Variants in AGBL1 observed in about 807,000 individuals in gnomAD.
AGBL1 encodes AGBL carboxypeptidase 1.
AGBL1 carries 130 observed loss-of-function variants against 118.9 expected under a neutral mutation model. The observed-to-expected ratio is 1.09, with a 90% CI of 0.95 to 1.26. The LOEUF (loss-of-function observed/expected upper bound fraction) is 1.26, where lower values mean the gene tolerates loss of function less well. Ranked by LOEUF, AGBL1 falls within the 50% of genes most tolerant of loss-of-function variation. The probability of loss-of-function intolerance (pLI) is 0.00; values close to 1 mark genes in which losing one functional copy is unlikely to be tolerated. For missense variants in AGBL1, 1,584 were observed against 1,298.1 expected (o/e 1.22, Z -3.38); for synonymous variants, 555 against 478.9 (o/e 1.16, Z -2.08).
chr15:86,268,411 G>T (rs1467088434), intron 13 of AGBL1, among the ~76,000 whole-genome samples: 11 of 152,192 alleles, frequency 7.2e-5, no homozygotes, highest in Admixed American at 4.6e-4. Context: ...CATGTTCAAA[G>T]GATCCAGGAA....
rs10520618 is a variant in AGBL1 at position 86,264,530 on chromosome 15, A to G, written c.1359A>G (p.Glu453=). 685,506 of 1,613,684 alleles carry G rather than the reference A, an allele frequency of 0.42. 149,103 individuals carry two copies. Among genetic ancestry groups the G allele is most frequent in the African/African-American group, 0.64 (48,198 of 74,970 alleles). Residue 453 remains glutamate (E), a synonymous_variant, in exon 11 of 23, where the codon GAA becomes GAG. Coordinates refer to ENST00000614907, the MANE Select transcript of AGBL1 (RefSeq NM_001386094.1). ...ATAGTCTCAGGAGAGATTCTTCTGA[A>G]AGTGAAATCCCTGACATTCAGGCTT... ...QSNSLRRDSS[E]SEIPDIQASP... is the part of the protein sequence containing the mutation.
At chr15:86,642,356 T>C (rs2142471081) in intron 21 of AGBL1, among the ~76,000 whole-genome samples, 1 of 152,314 alleles carries the variant, frequency 6.6e-6, no homozygotes, top group African/African-American at 2.4e-5. Flanking sequence ...TTATGGTTAA[T>C]AGTTTAGAGT....
At chr15:86,755,287 A>G (rs80262895) in intron 22 of AGBL1, among the ~76,000 whole-genome samples, 2,438 of 152,240 alleles carry the variant, frequency 0.016, 58 homozygotes, top group African/African-American at 0.052. Flanking sequence ...ACTCTACAGT[A>G]TAGAATGGAA....
chr15:86,843,124 C>T (rs1295891213), intron 22 of AGBL1, among the ~76,000 whole-genome samples: 1 of 152,118 alleles, frequency 6.6e-6, no homozygotes, highest in African/African-American at 2.4e-5. Context: ...ATGATAGCAT[C>T]CTTAATGGGC....
chr15:86,537,670 C>T (rs187605055), intron 19 of AGBL1, among the ~76,000 whole-genome samples: 5 of 152,300 alleles, frequency 3.3e-5, no homozygotes, highest in Non-Finnish European at 5.9e-5. Flanking sequence ...TTTAAAATGT[C>T]GTGTTTGGAA....
intron 22 of AGBL1, among the ~76,000 whole-genome samples, chr15:86,675,249 C>T (rs12594632): frequency 0.011 from 1,747 of 152,162 alleles, 25 homozygotes; most frequent in East Asian, 0.07. Flanking sequence ...GGCATCTGGT[C>T]GTGCACTTCA....
intron 22 of AGBL1, among the ~76,000 whole-genome samples, chr15:86,736,994 C>G (rs1018380409): frequency 6.6e-6 from 1 of 152,208 alleles, no homozygotes; most frequent in South Asian, 2.1e-4. Flanking sequence ...AACAATCCCC[C>G]TTATGTCTTT....
Position 86,909,669 on chromosome 15 carries a change from T to C in AGBL1, c.*2375T>C, listed in dbSNP as rs990675949. ...TATATAGCTCTTAACTCCTCCCATA[T>C]TTAATCTTTCCACTCTTAAATAAAG... is the stretch of plus-strand genomic sequence containing the variant. On this transcript the variant is annotated 3_prime_UTR_variant, in exon 23 of 23. Transcript: ENST00000614907. The C allele has an allele frequency of 1.3e-5, 2 of 152,222 alleles. No individual in the cohort carries two copies. The highest frequency in any genetic ancestry group is 2.9e-5 in the Non-Finnish European group (2 of 68,042). 9.4% of individuals were successfully genotyped at this position (152,222 alleles called of 1,614,324 possible). A position where few individuals can be genotyped will look rare whatever the true frequency, so the allele number is the denominator to read the frequency against.
chr15:86,673,609 A>G (rs866453150), intron 21 of AGBL1, among the ~76,000 whole-genome samples: 1 of 152,196 alleles, frequency 6.6e-6, no homozygotes. Flanking sequence ...GGATCCGCTG[A>G]GTTAATGCAA....
At chr15:86,156,154 C>G (rs1157588989) in intron 4 of AGBL1, among the ~76,000 whole-genome samples, 3 of 152,138 alleles carry the variant, frequency 2.0e-5, no homozygotes, top group African/African-American at 7.2e-5. Context: ...CTCCTGATCA[C>G]AGGTGATCTG....
intron 7 of AGBL1, among the ~76,000 whole-genome samples, chr15:86,248,200 C>T (rs1248429182): frequency 6.6e-6 from 1 of 152,016 alleles, no homozygotes; most frequent in African/African-American, 2.4e-5. Context: ...ACCTATAGTC[C>T]CAGTTACTCA....
In AGBL1 at chr15:86,247,849, G is replaced by C. The variant is rs200880342; in HGVS notation, c.705G>C (p.Gln235His). ...RSGREAFLAA[Q>H]GMEILFSTTQ... ...GCAGGGAGGCCTTCCTGGCAGCACA[G>C]GGCATGGAGATCCTCTTCAGCACCA... is the stretch of plus-strand genomic sequence containing the variant. The change falls in exon 7 of 23, where the codon CAG becomes CAC. Residue 235 changes from glutamine to histidine, a missense_variant. By Grantham distance (24) the Gln-to-His change is conservative (BLOSUM62 0). Coordinates refer to ENST00000614907, the MANE Select transcript of AGBL1 (RefSeq NM_001386094.1). 4.7e-4 allele frequency: 765 copies of C among 1,613,924 alleles called. 2 individuals carry two copies. The African/African-American group carries it at 8.8e-3, about 19-fold the overall frequency.
intron 5 of AGBL1, among the ~76,000 whole-genome samples, chr15:86,171,941 TA>T (rs1020098371): frequency 6.6e-6 from 1 of 152,110 alleles, no homozygotes. Context: ...AACTCAAGAA[TA>T]AAAAACCAAA....
intron 23 of AGBL1, among the ~76,000 whole-genome samples, chr15:86,949,888 A>G (rs1377985647): frequency 1.3e-5 from 2 of 152,110 alleles, no homozygotes; most frequent in Non-Finnish European, 2.9e-5. Flanking sequence ...TATCATTAAT[A>G]ATTATATACT....
rs1353601174 is a variant in AGBL1, at chr15:86,946,368, T to C, written c.3222-41619T>C. On this transcript the variant is annotated intron_variant, in intron 23 of 24. Transcript: ENST00000441037. ...TTGAATACTTCACTGAGCTTAAGGA[T>C]ATAACATTTAGGATTCTTTTTTTTT... is the stretch of plus-strand genomic sequence containing the variant. The C allele has an allele frequency of 2.0e-5, 3 of 150,878 alleles. No homozygotes were observed. In the East Asian group the frequency reaches 5.8e-4, roughly 29 times the overall value. 9.3% of individuals were successfully genotyped at this position (150,878 alleles called of 1,614,324 possible).
At chr15:86,852,731 C>A (rs1349076923) in intron 22 of AGBL1, among the ~76,000 whole-genome samples, 1 of 152,174 alleles carries the variant, frequency 6.6e-6, no homozygotes, top group Non-Finnish European at 1.5e-5. Context: ...CTGTGAACCT[C>A]TTTCCTGGAA....
At chr15:87,029,748 C>A (rs2081767430), downstream of AGBL1, among the ~76,000 whole-genome samples, 1 of 151,792 alleles carries the variant, frequency 6.6e-6, no homozygotes, top group South Asian at 2.1e-4. Context: ...CTTCAAATAT[C>A]TGATTTCATA....
chr15:86,791,726 T>A (rs951315225), intron 22 of AGBL1, among the ~76,000 whole-genome samples: 5 of 77,004 alleles, frequency 6.5e-5, no homozygotes, highest in Non-Finnish European at 8.4e-5. Flanking sequence ...TTTCCTTGTT[T>A]TTTATATATA....
Position 86,555,800 on chromosome 15 carries a change from G to A in AGBL1, c.2994+1263G>A, listed in dbSNP as rs993239718. On this transcript the variant is annotated intron_variant, in intron 21 of 22. Coordinates refer to ENST00000614907, the MANE Select transcript of AGBL1 (RefSeq NM_001386094.1). ...TAATAAGGACTCCTTTTATCCTACC[G>A]TACAAGGTTTTGTAGGGACTAAAAG... 6.6e-5 allele frequency among the ~76,000 whole-genome samples: 10 copies of A among 151,854 alleles called. No homozygotes were observed. In the South Asian group the frequency reaches 8.3e-4, roughly 13 times the overall value.
Sources: allele counts gnomAD v4.1 joint callset (sites outside exome capture counted in the v4.1 genomes callset), GRCh38; gene constraint gnomAD v4.1.1; transcripts MANE v1.5; gene names NCBI Gene and HGNC (gene_info 2026-07-23, HGNC 2026-07-21).